KCND3: variants seen among roughly 807,000 people sequenced by gnomAD.
The protein encoded by KCND3 is A-type voltage-gated potassium channel KCND3.
Under a neutral mutation model 51.1 loss-of-function variants are expected in KCND3, and 9 were observed. That is an observed-to-expected ratio of 0.18 (90% CI 0.11 to 0.31). KCND3 has a LOEUF of 0.31. Among genes scored for constraint, KCND3 ranks in the 10% least tolerant of loss-of-function variants. The pLI is 1.00. For synonymous variants in KCND3, 349 were observed against 368.0 expected (o/e 0.95, Z 0.59); for missense variants, 526 against 903.8 (o/e 0.58, Z 5.36).
At chr1:111,940,252 T>C (rs1672451838) in intron 2 of KCND3, among the ~76,000 whole-genome samples, 1 of 152,098 alleles carries the variant, frequency 6.6e-6, no homozygotes, top group Non-Finnish European at 1.5e-5. Context: ...TTGTCAATTC[T>C]GGCTTTTGTT....
rs982498858 is a variant in KCND3 at position 111,773,167 on chromosome 1, C to T, written c.*2910G>A. On this transcript the variant is annotated 3_prime_UTR_variant, in exon 8 of 8. Transcript: ENST00000302127. ...GAAGTGGCATGACGTGGGCTCTGAACGTGAAGTGGAAGGAACACAAAACAT... is the reference window on the plus strand; with the variant it reads ...GAAGTGGCATGACGTGGGCTCTGAATGTGAAGTGGAAGGAACACAAAACAT... 1 of 151,948 alleles carries T rather than the reference C, an allele frequency of 6.6e-6. No individual in the cohort carries two copies. The highest frequency in any genetic ancestry group is 1.5e-5 in the Non-Finnish European group (1 of 68,004). The allele number at this position is 151,948 out of a possible 1,614,324, so 9.4% of individuals were successfully genotyped here. A position where few individuals can be genotyped will look rare whatever the true frequency, so the allele number is the denominator to read the frequency against.
chr1:111,935,824 A>T (rs907519919), intron 2 of KCND3, among the ~76,000 whole-genome samples: 2 of 152,236 alleles, frequency 1.3e-5, no homozygotes, highest in African/African-American at 4.8e-5. Flanking sequence ...GTTCAAGAGC[A>T]TCCTCCTGGA....
At chr1:111,979,004 C>T (rs1211271771) in intron 2 of KCND3, among the ~76,000 whole-genome samples, 1 of 152,232 alleles carries the variant, frequency 6.6e-6, no homozygotes, top group Non-Finnish European at 1.5e-5. Flanking sequence ...TTTCTCATTA[C>T]TTATCTGAGT....
intron 2 of KCND3, among the ~76,000 whole-genome samples, chr1:111,928,060 T>C (rs1289627138): frequency 6.6e-6 from 1 of 151,194 alleles, no homozygotes; most frequent in Non-Finnish European, 1.5e-5. Context: ...TCTAGTTTTC[T>C]CCATAGCGCA....
intron 2 of KCND3, among the ~76,000 whole-genome samples, chr1:111,817,097 A>G (rs1571686055): frequency 6.6e-6 from 1 of 152,126 alleles, no homozygotes; most frequent in East Asian, 1.9e-4. Context: ...AGCAGTGTAC[A>G]CTGTACCAAA....
At position 111,786,821 on chromosome 1, in the gene KCND3, T is replaced by A. The variant is rs1001321310; in HGVS notation, c.1269+123A>T. 2.5e-6 allele frequency: 3 copies of A among 1,213,524 alleles called. No individual in the cohort carries two copies. In the African/African-American group the frequency reaches 4.5e-5, roughly 18 times the overall value. The allele number at this position is 1,213,524 out of a possible 1,614,324, so 75.2% of individuals were successfully genotyped here. A position where few individuals can be genotyped will look rare whatever the true frequency, so the allele number is the denominator to read the frequency against. The stretch of plus-strand genomic sequence containing the variant: ...TGAGCAGGAAGGGACTGAAGCTACC[T>A]TACCTTGCAAAGCCAGAGGCCATCT... On this transcript the variant is annotated intron_variant, in intron 3 of 7. Transcript: ENST00000302127.
At chr1:111,834,113 C>T (rs1381506208) in intron 2 of KCND3, among the ~76,000 whole-genome samples, 1 of 152,194 alleles carries the variant, frequency 6.6e-6, no homozygotes, top group African/African-American at 2.4e-5. Context: ...AGGGATCAGA[C>T]CAAGGATTTG....
intron 6 of KCND3, 94 bp from the exon 7 acceptor site, chr1:111,777,367 G>T: frequency 7.2e-7 from 1 of 1,390,022 alleles, no homozygotes; most frequent in Non-Finnish European, 1.0e-6. Flanking sequence ...CTCTGTTCTG[G>T]ACCTTGAAGG....
intron 2 of KCND3, among the ~76,000 whole-genome samples, chr1:111,840,053 G>T (rs1667254089): frequency 1.3e-5 from 2 of 152,214 alleles, no homozygotes; most frequent in Admixed American, 6.5e-5. Flanking sequence ...TCCAGCGAGG[G>T]CCTGATCGTC....
At chr1:111,916,093 A>G (rs909499985) in intron 2 of KCND3, among the ~76,000 whole-genome samples, 1 of 152,198 alleles carries the variant, frequency 6.6e-6, no homozygotes, top group Non-Finnish European at 1.5e-5. Context: ...TGACATTACT[A>G]GAACACTCGA....
chr1:111,811,658 T>A (rs938087399), intron 2 of KCND3, among the ~76,000 whole-genome samples: 1 of 152,214 alleles, frequency 6.6e-6, no homozygotes, highest in Non-Finnish European at 1.5e-5. Flanking sequence ...GGCCATGGAC[T>A]CTCTGCCTCT....
chr1:111,935,407 G>C (rs1418314978), intron 2 of KCND3, among the ~76,000 whole-genome samples: 1 of 152,038 alleles, frequency 6.6e-6, no homozygotes, highest in Non-Finnish European at 1.5e-5. Context: ...TGACTTGCCT[G>C]TTTTTACTCA....
chr1:111,813,824 A>T (rs1665965845), intron 2 of KCND3, among the ~76,000 whole-genome samples: 1 of 152,334 alleles, frequency 6.6e-6, no homozygotes, highest in African/African-American at 2.4e-5. Flanking sequence ...CATTATATAG[A>T]TGAGGAAACT....
intron 2 of KCND3, among the ~76,000 whole-genome samples, chr1:111,954,992 G>A (rs1182713949): frequency 1.3e-5 from 2 of 152,158 alleles, no homozygotes; most frequent in Admixed American, 6.5e-5. Context: ...CTTAGGATCC[G>A]GCCAAGATTT....
At chr1:111,953,758 C>A (rs1673177252) in intron 2 of KCND3, among the ~76,000 whole-genome samples, 1 of 152,228 alleles carries the variant, frequency 6.6e-6, no homozygotes, top group African/African-American at 2.4e-5. Context: ...AGCTTGGGAG[C>A]AGGTCATGAC....
Position 111,805,471 on chromosome 1 carries a change from G to A in KCND3, c.1107-18365C>T, listed in dbSNP as rs185850027. Among the ~76,000 whole-genome samples, 180 of 152,290 alleles carry A rather than the reference G, an allele frequency of 1.2e-3. 1 individual carries two copies. The highest frequency in any genetic ancestry group is 4.2e-3 in the African/African-American group (174 of 41,562). ...TCTCCCAGTTGGTAGGTTCCTTCCT[G>A]AGCCCCTCACAGTCAGACTGACACA... On this transcript the variant is annotated intron_variant, in intron 2 of 7. Coordinates refer to ENST00000302127, the MANE Select transcript of KCND3 (RefSeq NM_001378969.1).
intron 2 of KCND3, among the ~76,000 whole-genome samples, chr1:111,901,467 A>T (rs893057972): frequency 6.6e-6 from 1 of 152,194 alleles, no homozygotes; most frequent in African/African-American, 2.4e-5. Flanking sequence ...CAAAACTTTC[A>T]TTTGTTTCTT....
intron 2 of KCND3, among the ~76,000 whole-genome samples, chr1:111,915,750 C>A (rs1671177933): frequency 1.1e-5 from 1 of 87,248 alleles, no homozygotes. Context: ...GAGACTCTGT[C>A]TCAAAAAAAA....
chr1:111,884,817 T>C (rs12023200), intron 2 of KCND3, among the ~76,000 whole-genome samples: 38,008 of 152,186 alleles, frequency 0.25, 5,000 homozygotes, highest in East Asian at 0.44. Context: ...TCTTTTAACT[T>C]AAAAAAATTT....
Sources: gnomAD v4.1 joint callset for allele counts (sites outside exome capture counted in the v4.1 genomes callset) on GRCh38, gnomAD v4.1.1 for gene constraint, MANE v1.5 for transcripts, NCBI Gene and HGNC (gene_info 2026-07-23, HGNC 2026-07-21) for gene names.